Variants in RAB7B observed in about 807,000 individuals in gnomAD.
RAB7B encodes the protein ras-related protein Rab-7b.
At chr1:205,990,617 T>G (rs1660705060) in intron 4 of RAB7B, among the ~76,000 whole-genome samples, 1 of 150,782 alleles carries the variant, frequency 6.6e-6, no homozygotes, top group African/African-American at 2.4e-5. Context: ...CCCCATGGGG[T>G]GGGGATGCTG....
chr1:205,985,525 G>C lies in RAB7B; in HGVS notation c.522+15C>G, dbSNP rs895049334. The C allele has an allele frequency of 2.5e-6, 1 of 398,712 alleles. No individual in the cohort carries two copies. Among genetic ancestry groups the C allele is most frequent in the Non-Finnish European group, 4.4e-6 (1 of 226,192 alleles). 24.7% of individuals were successfully genotyped at this position (398,712 alleles called of 1,614,324 possible). ...AGGGGCGGTCTCAGCAGGTCCTGCC[G>C]CCACAGCCACTCACCCTCGACAGAG... On this transcript the variant is annotated intron_variant, in intron 5 of 5. Coordinates refer to ENST00000617070, the MANE Select transcript of RAB7B (RefSeq NM_001164522.3).
At chr1:205,997,871 G>C (rs1052452435) in intron 1 of RAB7B, among the ~76,000 whole-genome samples, 1 of 152,260 alleles carries the variant, frequency 6.6e-6, no homozygotes, top group Admixed American at 6.5e-5. Context: ...AAGGCAGGCA[G>C]GAAGAAGCGG....
intron 4 of RAB7B, among the ~76,000 whole-genome samples, chr1:205,988,676 T>C (rs1046747290): frequency 3.3e-5 from 5 of 152,332 alleles, no homozygotes; most frequent in Admixed American, 6.5e-5. Flanking sequence ...ATCCTTCCTA[T>C]TATTACTCAG....
chr1:205,997,423 A>C (rs1660824273), intron 1 of RAB7B, among the ~76,000 whole-genome samples: 1 of 152,200 alleles, frequency 6.6e-6, no homozygotes, highest in Non-Finnish European at 1.5e-5. Flanking sequence ...GAAATAACCA[A>C]AGCCTTGGGA....
At chr1:205,995,904 T>A in intron 1 of RAB7B, among the ~76,000 whole-genome samples, 1 of 152,326 alleles carries the variant, frequency 6.6e-6, no homozygotes, top group Non-Finnish European at 1.5e-5. Context: ...AATAAGCATG[T>A]GAGGTAATGC....
intron 3 of RAB7B, among the ~76,000 whole-genome samples, chr1:205,992,956 G>A (rs1660750289): frequency 6.6e-6 from 1 of 152,168 alleles, no homozygotes. Flanking sequence ...GGTGGCAATT[G>A]TTATTCCCAT....
At chr1:205,990,021 C>G (rs1269020593) in intron 4 of RAB7B, among the ~76,000 whole-genome samples, 2 of 152,140 alleles carry the variant, frequency 1.3e-5, no homozygotes, top group African/African-American at 4.8e-5. Flanking sequence ...TCTTGAACTC[C>G]CCCAGCTTCC....
intron 4 of RAB7B, among the ~76,000 whole-genome samples, chr1:205,988,521 C>A (rs1383569461): frequency 6.6e-6 from 1 of 152,230 alleles, no homozygotes; most frequent in Non-Finnish European, 1.5e-5. Context: ...AGGCGTGAGC[C>A]ACTGGGCCAA....
intron 1 of RAB7B, among the ~76,000 whole-genome samples, chr1:205,994,958 G>T (rs1183608174): frequency 1.3e-5 from 2 of 152,212 alleles, no homozygotes; most frequent in East Asian, 3.9e-4. Context: ...GATCCCTTAA[G>T]ATCTAAATAG....
intron 4 of RAB7B, among the ~76,000 whole-genome samples, chr1:205,990,218 G>C (rs894808242): frequency 1.3e-5 from 2 of 152,174 alleles, no homozygotes; most frequent in African/African-American, 4.8e-5. Flanking sequence ...GATATAAAGC[G>C]CTTGAAAATG....
chr1:205,995,528 C>G (rs1323947974), intron 1 of RAB7B, among the ~76,000 whole-genome samples: 1 of 152,066 alleles, frequency 6.6e-6, no homozygotes, highest in Non-Finnish European at 1.5e-5. Context: ...TAAAGAAAAT[C>G]GGTACATGTA....
At chr1:205,985,266 G>A (rs1003389589) in intron 5 of RAB7B, among the ~76,000 whole-genome samples, 31,637 of 152,162 alleles carry the variant, frequency 0.21, 3,751 homozygotes, top group Non-Finnish European at 0.27. Context: ...GTACAGGACT[G>A]GAGTTTTTAG....
chr1:205,985,108 G>A (rs1660566939), intron 5 of RAB7B, among the ~76,000 whole-genome samples: 4 of 152,154 alleles, frequency 2.6e-5, no homozygotes, highest in African/African-American at 9.7e-5. Flanking sequence ...AGGGGTCTAC[G>A]TCTATTCATC....
intron 1 of RAB7B, among the ~76,000 whole-genome samples, chr1:205,998,009 C>A (rs1660831121): frequency 6.6e-6 from 1 of 152,192 alleles, no homozygotes; most frequent in East Asian, 1.9e-4. Flanking sequence ...GTAATCACAA[C>A]TCACCCAAGC....
chr1:205,998,851 C>T (rs1348701705), intron 1 of RAB7B, among the ~76,000 whole-genome samples: 3 of 152,114 alleles, frequency 2.0e-5, no homozygotes, highest in African/African-American at 4.8e-5. Context: ...TTTACTGGCA[C>T]AAATTAAGGA....
At chr1:205,993,653 C>T (rs1660762829) in intron 2 of RAB7B, 107 bp from the exon 3 acceptor site, 1 of 396,634 alleles carries the variant, frequency 2.5e-6, no homozygotes. Flanking sequence ...ACTGTCTCTC[C>T]CTGAGATTCT....
intron 4 of RAB7B, among the ~76,000 whole-genome samples, chr1:205,987,826 C>T (rs1039092571): frequency 1.3e-5 from 2 of 151,918 alleles, no homozygotes; most frequent in African/African-American, 2.4e-5. Context: ...ATTATTCTGG[C>T]TATATATGCC....
At position 205,977,965 on chromosome 1, in the gene RAB7B, C is replaced by T. The variant is rs1258850747; in HGVS notation, c.*886G>A. 3.3e-5 allele frequency: 5 copies of T among 152,250 alleles called. No individual in the cohort carries two copies. The highest frequency in any genetic ancestry group is 5.9e-5 in the Non-Finnish European group (4 of 68,062). 9.4% of individuals were successfully genotyped at this position (152,250 alleles called of 1,614,324 possible). A position where few individuals can be genotyped will look rare whatever the true frequency, so the allele number is the denominator to read the frequency against. Reference sequence around the variant, plus strand: ...ATATCTGTCTAGAGTCTGCGTCTCTCCCTCACCAGATGTCGGCTCCAGGAG... The same window carrying T: ...ATATCTGTCTAGAGTCTGCGTCTCTTCCTCACCAGATGTCGGCTCCAGGAG... On this transcript the variant is annotated 3_prime_UTR_variant, in exon 6 of 6. Transcript: ENST00000617070.
At chr1:205,995,916 G>A (rs1414888524) in intron 1 of RAB7B, among the ~76,000 whole-genome samples, 4 of 152,188 alleles carry the variant, frequency 2.6e-5, no homozygotes, top group Non-Finnish European at 5.9e-5. Flanking sequence ...AGGTAATGCA[G>A]ATGTTAATTA....
Sources: allele counts gnomAD v4.1 joint callset (sites outside exome capture counted in the v4.1 genomes callset), GRCh38; gene constraint gnomAD v4.1.1; transcripts MANE v1.5; gene names NCBI Gene and HGNC (gene_info 2026-07-23, HGNC 2026-07-21).